UBXN2A: variants seen among roughly 807,000 people sequenced by gnomAD.
UBXN2A encodes the protein UBX domain-containing protein 2A.
In UBXN2A, 28 loss-of-function variants were observed where a neutral mutation model predicts 28.4. The ratio of observed to expected loss-of-function variants is 0.99; its 90% CI spans 0.73 to 1.35. UBXN2A has a LOEUF of 1.35. Among genes scored for constraint, UBXN2A ranks in the 40% most tolerant of loss-of-function variants. The probability of loss-of-function intolerance (pLI) is 0.00; values close to 1 mark genes in which losing one functional copy is unlikely to be tolerated. For synonymous variants in UBXN2A, 97 were observed against 103.6 expected (o/e 0.94, Z 0.39); for missense variants, 253 against 297.9 (o/e 0.85, Z 1.11).
chr2:23,952,263 G>C (rs969862715), intron 1 of UBXN2A, among the ~76,000 whole-genome samples: 1 of 151,468 alleles, frequency 6.6e-6, no homozygotes. Flanking sequence ...CATCACACCC[G>C]GCTGCTGGGT....
intron 1 of UBXN2A, among the ~76,000 whole-genome samples, chr2:23,950,753 G>C (rs542613032): frequency 6.6e-6 from 1 of 151,598 alleles, no homozygotes; most frequent in Non-Finnish European, 1.5e-5. Flanking sequence ...GCCCAGGCTG[G>C]AGTGAAGTGG....
rs1217306552 is a variant in UBXN2A at position 24,000,724 on chromosome 2, AAG to A, written c.*859_*860del. 2 of 152,188 alleles carry A rather than the reference AAG, an allele frequency of 1.3e-5. No individual in the cohort carries two copies. The highest frequency in any genetic ancestry group is 2.1e-4 in the South Asian group (1 of 4,830). The allele number at this position is 152,188 out of a possible 1,614,324, so 9.4% of individuals were successfully genotyped here. A position where few individuals can be genotyped will look rare whatever the true frequency, so the allele number is the denominator to read the frequency against. On this transcript the variant is annotated 3_prime_UTR_variant, in exon 7 of 7. Transcript: ENST00000309033. The stretch of plus-strand genomic sequence containing the variant: ...TATATTTTTTTAATTTAAAAAATAA[AAG>A]AATAAAATTGTGTAGCTCAGTATAG...
At chr2:23,968,668 G>A (rs1324676386) in intron 2 of UBXN2A, among the ~76,000 whole-genome samples, 3 of 144,354 alleles carry the variant, frequency 2.1e-5, no homozygotes, top group Non-Finnish European at 3.0e-5. Context: ...GTGAGACTCC[G>A]TCTCAGGAAA....
intron 1 of UBXN2A, among the ~76,000 whole-genome samples, chr2:23,945,118 A>G (rs1281384872): frequency 6.6e-6 from 1 of 152,138 alleles, no homozygotes; most frequent in Non-Finnish European, 1.5e-5. Context: ...ATAAGATAAC[A>G]TTTCAGTATG....
At chr2:23,957,504 A>G (rs549208101) in intron 1 of UBXN2A, among the ~76,000 whole-genome samples, 8 of 152,028 alleles carry the variant, frequency 5.3e-5, no homozygotes, top group Non-Finnish European at 7.4e-5. Context: ...GGGTTTCACC[A>G]TGTTGACCAG....
rs971200712 is a variant in UBXN2A, at chr2:23,981,010, G to C, written c.288-1886G>C. Among the ~76,000 whole-genome samples, 3 of 152,162 alleles carry C rather than the reference G, an allele frequency of 2.0e-5. No individual in the cohort carries two copies. In the East Asian group the frequency reaches 5.8e-4, roughly 29 times the overall value. ...TTTTCTGAATACAAATTCCTTATCA[G>C]ATACATGATTTGCGAATATTTTCTC... On this transcript the variant is annotated intron_variant, in intron 4 of 6. Coordinates refer to ENST00000309033, the MANE Select transcript of UBXN2A (RefSeq NM_181713.4).
At chr2:23,975,221 T>C (rs1280586056) in intron 3 of UBXN2A, among the ~76,000 whole-genome samples, 2 of 152,198 alleles carry the variant, frequency 1.3e-5, no homozygotes, top group Admixed American at 1.3e-4. Context: ...TAAAAGACTT[T>C]AACGTAACAA....
chr2:23,957,956 T>A lies in UBXN2A; in HGVS notation c.-14-345T>A, dbSNP rs541381535. On this transcript the variant is annotated intron_variant, in intron 1 of 6. Transcript: ENST00000309033. ...TTTTGTAGAGTCAGTCTCACTATTTTACCCAGACTGGTCTTGAATTCCTTG... is the reference window on the plus strand; with the variant it reads ...TTTTGTAGAGTCAGTCTCACTATTTAACCCAGACTGGTCTTGAATTCCTTG... Among the ~76,000 whole-genome samples the A allele has an allele frequency of 9.5e-4, 145 of 152,258 alleles. 1 individual carries two copies. The highest frequency in any genetic ancestry group is 1.4e-3 in the Non-Finnish European group (93 of 68,042).
At chr2:23,927,635 G>C (rs534538387) in intron 1 of UBXN2A, 4 of 123,512 alleles carry the variant, frequency 3.2e-5, no homozygotes, top group East Asian at 6.9e-4. Context: ...AGAAGAGAAG[G>C]GGGGGGGGAA....
At chr2:23,928,866 T>G (rs1036298275) in intron 1 of UBXN2A, among the ~76,000 whole-genome samples, 1 of 152,198 alleles carries the variant, frequency 6.6e-6, no homozygotes, top group African/African-American at 2.4e-5. Context: ...TCCTGGACAC[T>G]TCACCTGCCA....
intron 2 of UBXN2A, among the ~76,000 whole-genome samples, chr2:23,963,104 G>A (rs1324040837): frequency 6.6e-6 from 1 of 152,132 alleles, no homozygotes; most frequent in Non-Finnish European, 1.5e-5. Context: ...GAACAGCATG[G>A]GAAAGACTTG....
chr2:23,934,402 AC>A (rs1475470501), intron 1 of UBXN2A, among the ~76,000 whole-genome samples: 1 of 152,194 alleles, frequency 6.6e-6, no homozygotes, highest in African/African-American at 2.4e-5. Flanking sequence ...TTCCATCATC[AC>A]AGAAAGTTCT....
intron 3 of UBXN2A, among the ~76,000 whole-genome samples, chr2:23,973,478 A>G (rs1707512269): frequency 6.6e-6 from 1 of 151,298 alleles, no homozygotes; most frequent in African/African-American, 2.4e-5. Flanking sequence ...AGCCCGGACT[A>G]CAAGCGCCCG....
rs1208680573 is a variant in UBXN2A at position 24,001,882 on chromosome 2, AC to A, written c.*2018del. On this transcript the variant is annotated 3_prime_UTR_variant, in exon 7 of 7. Transcript: ENST00000309033. ...AGGCTGAGGGAGGAGAATGGCTTGA[AC>A]CCGGGAGGTGGAGGTTTCAGTGAGC... 1.3e-5 allele frequency: 2 copies of A among 151,464 alleles called. No individual in the cohort carries two copies. The highest frequency in any genetic ancestry group is 2.9e-5 in the Non-Finnish European group (2 of 67,886). The allele number at this position is 151,464 out of a possible 1,614,324, so 9.4% of individuals were successfully genotyped here.
At chr2:23,979,032 A>C (rs889600536) in intron 4 of UBXN2A, among the ~76,000 whole-genome samples, 5 of 151,962 alleles carry the variant, frequency 3.3e-5, no homozygotes, top group Admixed American at 1.3e-4. Context: ...TGGTCTAGAA[A>C]ATTTTTTTAA....
intron 2 of UBXN2A, among the ~76,000 whole-genome samples, chr2:23,966,179 G>A (rs1050589312): frequency 2.0e-5 from 3 of 150,648 alleles, no homozygotes; most frequent in Non-Finnish European, 2.9e-5. Context: ...TCTCTTTGTC[G>A]CCAGGCTGGA....
intron 6 of UBXN2A, among the ~76,000 whole-genome samples, chr2:23,997,853 C>T (rs1347841905): frequency 1.3e-5 from 2 of 151,134 alleles, no homozygotes; most frequent in Non-Finnish European, 2.9e-5. Flanking sequence ...GCTCTTGTCA[C>T]CCAGGCTGGA....
In UBXN2A at chr2:23,967,121, TTCCAC is replaced by T. The variant is rs551996010; in HGVS notation, c.42-4137_42-4133del. 7.5e-4 allele frequency among the ~76,000 whole-genome samples: 114 copies of T among 152,106 alleles called. 1 individual carries two copies. The South Asian group carries it at 0.022, about 29-fold the overall frequency. ...ACTCTACTCTACTCTTACTATACAT[TTCCAC>T]TCCACTCCACTCCACTCTACCCTGA... On this transcript the variant is annotated intron_variant, in intron 2 of 6. Coordinates refer to ENST00000309033, the MANE Select transcript of UBXN2A (RefSeq NM_181713.4).
At chr2:23,933,730 A>G (rs928192802) in intron 1 of UBXN2A, among the ~76,000 whole-genome samples, 1 of 152,074 alleles carries the variant, frequency 6.6e-6, no homozygotes, top group South Asian at 2.1e-4. Flanking sequence ...TCAAAAGAAA[A>G]AAAACAAAAA....
Sources: gnomAD v4.1 joint callset for allele counts (sites outside exome capture counted in the v4.1 genomes callset) on GRCh38, gnomAD v4.1.1 for gene constraint, MANE v1.5 for transcripts, NCBI Gene and HGNC (gene_info 2026-07-23, HGNC 2026-07-21) for gene names.